The following CPLANE1 variants were observed in gnomAD, a reference collection of about 807,000 sequenced individuals.
The protein encoded by CPLANE1 is ciliogenesis and planar polarity effector complex subunit 1, also known as ciliogenesis and planar polarity effector 1.
Under a neutral mutation model 362.5 loss-of-function variants are expected in CPLANE1, and 263 were observed. The observed-to-expected ratio is 0.73, with a 90% CI of 0.66 to 0.80. The LOEUF is 0.80. Ranked by LOEUF, CPLANE1 falls within the 30% of genes least tolerant of loss-of-function variation. CPLANE1 has a pLI of 0.00. For missense variants in CPLANE1, 3,461 were observed against 3,793.4 expected (o/e 0.91, Z 2.30); for synonymous variants, 1,212 against 1,302.6 (o/e 0.93, Z 1.50).
At chr5:37,092,352 T>C in the CPLANE1 span, among the ~76,000 whole-genome samples, 5 of 152,358 alleles carry the variant, frequency 3.3e-5, no homozygotes, top group African/African-American at 7.2e-5. Flanking sequence ...GACCATATCA[T>C]GGCAAAGAAA....
In CPLANE1 at chr5:37,226,578, T is replaced by A. The variant is rs1172913663; in HGVS notation, c.2017A>T (p.Thr673Ser). The change falls in exon 12 of 53, where the codon ACT (threonine) becomes TCT (serine). Residue 673 changes from threonine to serine, a missense_variant. Physicochemically the swap from Thr to Ser is moderately conservative, Grantham distance 58 (BLOSUM62 1). Coordinates refer to ENST00000651892, the MANE Select transcript of CPLANE1 (RefSeq NM_001384732.1). ...AATAACTGACCCTTTTGTTGCTGAG[T>A]CAGCAAAAGTTTTACAGTATTTGAG... ...LTSNTVKLLL[T>S]QQQKGQLFSE... 2 of 1,550,338 alleles carry A rather than the reference T, an allele frequency of 1.3e-6. No individual in the cohort carries two copies. Among genetic ancestry groups the A allele is most frequent in the Non-Finnish European group, 1.7e-6 (2 of 1,146,662 alleles).
the CPLANE1 span, among the ~76,000 whole-genome samples, chr5:37,091,968 A>T: frequency 6.6e-6 from 1 of 152,192 alleles, no homozygotes; most frequent in African/African-American, 2.4e-5. Context: ...ATTCTGCTCC[A>T]GACACAGACA....
chr5:37,095,593 A>G, the CPLANE1 span, among the ~76,000 whole-genome samples: 4 of 152,210 alleles, frequency 2.6e-5, no homozygotes, highest in African/African-American at 9.6e-5. Context: ...ATCAGACAAG[A>G]GAAATAAATC....
At chr5:37,117,040 C>G (rs952187138) in intron 50 of CPLANE1, among the ~76,000 whole-genome samples, 2 of 152,174 alleles carry the variant, frequency 1.3e-5, no homozygotes, top group African/African-American at 4.8e-5. Context: ...CACAAGCACT[C>G]AAGCTGCCTC....
chr5:37,175,931 C>T lies in CPLANE1; in HGVS notation c.5956G>A (p.Asp1986Asn). 1 of 1,613,270 alleles carries T rather than the reference C, an allele frequency of 6.2e-7. No homozygotes were observed. Among genetic ancestry groups the T allele is most frequent in the Non-Finnish European group, 8.5e-7 (1 of 1,179,506 alleles). ...TACCTAGAAATTTCTGAACTCGTAT[C>T]TACTTGCATTGATTGAGGAGTGGTA... ...GHTTPQSMQV[D>N]TSSEISSAQI... The change falls in exon 31 of 53, where the codon GAT (aspartate) becomes AAT (asparagine). Residue 1986 changes from aspartate (D) to asparagine (N), a missense_variant. Around this residue, in one of 2 missense-constraint regions of CPLANE1, gnomAD observed 3,380 missense variants for 3,666.1 expected, o/e 0.92. Transcript: ENST00000651892.
intron 16 of CPLANE1, chr5:37,211,667 T>C (rs762381617): frequency 1.1e-4 from 90 of 795,232 alleles, no homozygotes; most frequent in Non-Finnish European, 1.8e-4. Flanking sequence ...GTCCTTATCC[T>C]GACAGAATGC....
intron 46 of CPLANE1, among the ~76,000 whole-genome samples, chr5:37,134,889 G>A (rs909772146): frequency 5.3e-5 from 8 of 151,648 alleles, no homozygotes; most frequent in Admixed American, 6.6e-5. Flanking sequence ...TGCCTCCCAG[G>A]TTCAAGTGCT....
intron 17 of CPLANE1, 53 bp downstream of exon 17, chr5:37,206,144 T>G (rs1298726283): frequency 2.6e-6 from 3 of 1,160,800 alleles, no homozygotes; most frequent in Non-Finnish European, 3.8e-6. Context: ...AAGAGAAATA[T>G]AAAATACATA....
At chr5:37,177,532 A>G (rs1405154349) in intron 30 of CPLANE1, 89 bp downstream of exon 30, 1 of 897,238 alleles carries the variant, frequency 1.1e-6, no homozygotes, top group African/African-American at 1.7e-5. Context: ...ACCACCCTAA[A>G]TCATGTATTG....
At chr5:37,154,256 G>C (rs1315209371) in intron 41 of CPLANE1, among the ~76,000 whole-genome samples, 1 of 151,948 alleles carries the variant, frequency 6.6e-6, no homozygotes, top group African/African-American at 2.4e-5. Flanking sequence ...TCATCAAAAA[G>C]CAACTTTAAT....
chr5:37,206,289 C>T lies in CPLANE1; in HGVS notation c.3057G>A (p.Val1019=). 2 of 1,551,756 alleles carry T rather than the reference C, an allele frequency of 1.3e-6. No individual in the cohort carries two copies. Among genetic ancestry groups the T allele is most frequent in the South Asian group, 2.4e-5 (2 of 84,070 alleles). Residue 1019 remains valine (V), a synonymous_variant, in exon 17 of 53, where the codon GTG becomes GTA. Transcript: ENST00000651892. Reference sequence around the variant, plus strand: ...AGTCTCCAAGTTTATATGCCAACCACACAGCCTCTGGAACCAGGCCACCAA... The same window carrying T: ...AGTCTCCAAGTTTATATGCCAACCATACAGCCTCTGGAACCAGGCCACCAA... ...LFIGGLVPEA[V]WLAYKLGDWK...
At position 37,171,745 on chromosome 5, in the gene CPLANE1, ACTCTCTCTCT is replaced by A. The variant is rs56407367; in HGVS notation, c.6172-1424_6172-1415del. Among the ~76,000 whole-genome samples the A allele has an allele frequency of 4.7e-3, 599 of 128,428 alleles. 5 individuals carry two copies. The highest frequency in any genetic ancestry group is 0.014 in the African/African-American group (492 of 35,468). 84.3% of individuals were successfully genotyped at this position (128,428 alleles called of 152,430 possible). A position where few individuals can be genotyped will look rare whatever the true frequency, so the allele number is the denominator to read the frequency against. On this transcript the variant is annotated intron_variant, in intron 32 of 52. Transcript: ENST00000651892. ...TTAGTATATTTCCTTTCTCTAGCTT[ACTCTCTCTCT>A]CTCTCTCTCTCTCTCTCTCTCTCTC...
At chr5:37,177,427 T>G (rs1781482379) in intron 30 of CPLANE1, among the ~76,000 whole-genome samples, 194 bp downstream of exon 30, 1 of 152,236 alleles carries the variant, frequency 6.6e-6, no homozygotes, top group Non-Finnish European at 1.5e-5. Context: ...TATCATTATT[T>G]ATTTCACTCT....
At position 37,227,762 on chromosome 5, in the gene CPLANE1, C is replaced by A; in HGVS notation, c.1177G>T (p.Asp393Tyr). The A allele has an allele frequency of 6.4e-7, 1 of 1,550,970 alleles. No individual in the cohort carries two copies. The highest frequency in any genetic ancestry group is 1.2e-5 in the South Asian group (1 of 84,038). Residue 393 changes from aspartate (D) to tyrosine (Y), a missense_variant, in exon 10 of 53, where the codon GAT becomes TAT. This residue lies in a region of CPLANE1 where 3,380 missense variants were observed against 3,666.1 expected (regional missense o/e 0.92). Transcript: ENST00000651892. ...SNNSVDSSAS[D>Y]SDPMRQRFSI... ...AATCTCTGTCTCATAGGGTCACTAT[C>A]AGAAGCTGATGAATCAACAGAATTA...
At chr5:37,189,323 A>G (rs570096109) in intron 21 of CPLANE1, among the ~76,000 whole-genome samples, 1 of 152,156 alleles carries the variant, frequency 6.6e-6, no homozygotes, top group African/African-American at 2.4e-5. Flanking sequence ...TATTCATCCC[A>G]ATAGTGAGAG....
chr5:37,131,126 T>C (rs1266445918), intron 46 of CPLANE1, among the ~76,000 whole-genome samples: 1 of 152,226 alleles, frequency 6.6e-6, no homozygotes, highest in Non-Finnish European at 1.5e-5. Context: ...TTTGATAACT[T>C]TCCTTTTATA....
chr5:37,114,824 C>T (rs1183941377), intron 51 of CPLANE1, 136 bp downstream of exon 51: 16 of 575,762 alleles, frequency 2.8e-5, no homozygotes, highest in Admixed American at 6.2e-5. Flanking sequence ...CACTTGAACC[C>T]GGGAGTGGAG....
At chr5:37,197,401 G>A (rs1429113369) in intron 20 of CPLANE1, among the ~76,000 whole-genome samples, 1 of 152,158 alleles carries the variant, frequency 6.6e-6, no homozygotes, top group Non-Finnish European at 1.5e-5. Context: ...AAGAGGTAGA[G>A]AGAGAGAGAG....
At chr5:37,200,033 G>T (rs1020637034) in intron 19 of CPLANE1, among the ~76,000 whole-genome samples, 2 of 152,200 alleles carry the variant, frequency 1.3e-5, no homozygotes, top group African/African-American at 4.8e-5. Context: ...TGGCCATTCT[G>T]CTCCCACAAG....
Sources: gnomAD v4.1 joint callset for allele counts (sites outside exome capture counted in the v4.1 genomes callset) on GRCh38, gnomAD v4.1.1 for gene constraint, gnomAD v4.1.1 regional missense constraint, MANE v1.5 for transcripts, NCBI Gene and HGNC (gene_info 2026-07-23, HGNC 2026-07-21) for gene names.